SLC44A1: variants seen among roughly 807,000 people sequenced by gnomAD.
SLC44A1 encodes the protein solute carrier family 44 member 1.
A neutral mutation model predicts 79.3 loss-of-function variants in SLC44A1; 26 were observed. The observed-to-expected ratio is 0.33, with a 90% CI of 0.24 to 0.46. The LOEUF (loss-of-function observed/expected upper bound fraction) is 0.46, where lower values mean the gene tolerates loss of function less well. Among genes scored for constraint, SLC44A1 ranks in the 20% least tolerant of loss-of-function variants. The pLI is 1.00. For synonymous variants in SLC44A1, 263 were observed against 286.2 expected (o/e 0.92, Z 0.82); for missense variants, 688 against 798.1 (o/e 0.86, Z 1.66).
chr9:105,350,925 A>C (rs949559498), intron 5 of SLC44A1, among the ~76,000 whole-genome samples: 1 of 152,238 alleles, frequency 6.6e-6, no homozygotes, highest in African/African-American at 2.4e-5. Context: ...TTTTCAATGA[A>C]GCATTAGTGA....
rs200109845 is a variant in SLC44A1 at position 105,414,949 on chromosome 9, A to AT, written c.1951-23323dup. Among the ~76,000 whole-genome samples the AT allele has an allele frequency of 1.4e-3, 217 of 151,754 alleles. 1 individual carries two copies. The highest frequency in any genetic ancestry group is 4.3e-3 in the African/African-American group (177 of 41,320). ...TGAATGCTCTTGATGAGAAAAGGAG[A>AT]TTTTTTTTTCCTCTCAGAGTGGAAG... On this transcript the variant is annotated intron_variant, in intron 15 of 15. Coordinates refer to the SLC44A1 transcript ENST00000374724.
intron 3 of SLC44A1, among the ~76,000 whole-genome samples, chr9:105,315,441 CT>C (rs1228715628): frequency 6.6e-6 from 1 of 151,944 alleles, no homozygotes; most frequent in Admixed American, 6.6e-5. Context: ...CAGAATAGGA[CT>C]TTAGTGGCCA....
chr9:105,411,703 C>G (rs1320648329), intron 15 of SLC44A1, among the ~76,000 whole-genome samples: 1 of 152,094 alleles, frequency 6.6e-6, no homozygotes, highest in Non-Finnish European at 1.5e-5. Context: ...CATTTATTTT[C>G]TAGAATGACC....
Position 105,374,709 on chromosome 9 carries a change from G to A in SLC44A1, c.1606G>A (p.Gly536Arg). 1 of 1,612,928 alleles carries A rather than the reference G, an allele frequency of 6.2e-7. No homozygotes were observed. Among genetic ancestry groups the A allele is most frequent in the Non-Finnish European group, 8.5e-7 (1 of 1,179,318 alleles). ...ALRVATINTV[G>R]DFMLFLGKVL... ...GCGAGTGGCTACCATCAACACAGTA[G>A]GAGATTTTATGTTATTCCTTGGCAA... The change falls in exon 13 of 16, where the codon GGA becomes AGA. Residue 536 changes from glycine to arginine, a missense_variant. Gly to Arg is a moderately radical substitution (Grantham distance 125). Coordinates refer to ENST00000374720, the MANE Select transcript of SLC44A1 (RefSeq NM_080546.5).
chr9:105,256,811 G>A (rs1829719714), intron 1 of SLC44A1, among the ~76,000 whole-genome samples: 1 of 135,552 alleles, frequency 7.4e-6, no homozygotes, highest in African/African-American at 2.8e-5. Flanking sequence ...TTTTTGAGAT[G>A]GACTCTTGCT....
Position 105,309,751 on chromosome 9 carries a change from A to G in SLC44A1, c.154A>G (p.Thr52Ala). ...MGFICGFSIA[T>A]GAAARLVSGY... ...ATTTATTTGTGGCTTTTCAATAGCAACAGGTGCAGCAGCAAGACTAGTGTC... is the reference window on the plus strand; with the variant it reads ...ATTTATTTGTGGCTTTTCAATAGCAGCAGGTGCAGCAGCAAGACTAGTGTC... Residue 52 changes from threonine to alanine, a missense_variant, in exon 3 of 16, where the codon ACA becomes GCA. Coordinates refer to ENST00000374720, the MANE Select transcript of SLC44A1 (RefSeq NM_080546.5). The G allele has an allele frequency of 3.7e-6, 6 of 1,613,998 alleles. No individual in the cohort carries two copies. Among genetic ancestry groups the G allele is most frequent in the Non-Finnish European group, 5.1e-6 (6 of 1,179,868 alleles).
chr9:105,275,430 C>T (rs1275792511), intron 1 of SLC44A1, among the ~76,000 whole-genome samples: 1 of 152,170 alleles, frequency 6.6e-6, no homozygotes, highest in African/African-American at 2.4e-5. Flanking sequence ...TTGCTTTCAG[C>T]TCTTGAATTT....
At chr9:105,321,741 A>G (rs895605735) in intron 3 of SLC44A1, among the ~76,000 whole-genome samples, 1 of 152,046 alleles carries the variant, frequency 6.6e-6, no homozygotes, top group Non-Finnish European at 1.5e-5. Flanking sequence ...GAAAAATATA[A>G]TACTTGTTTT....
At chr9:105,420,888 AAG>A (rs1554691497) in intron 15 of SLC44A1, among the ~76,000 whole-genome samples, 24 of 140,878 alleles carry the variant, frequency 1.7e-4, no homozygotes, top group African/African-American at 7.6e-4. Context: ...AAAAAAAAAA[AAG>A]GATGGTCTAG....
chr9:105,324,061 G>C (rs1158235247), intron 3 of SLC44A1, among the ~76,000 whole-genome samples: 1 of 152,016 alleles, frequency 6.6e-6, no homozygotes, highest in Admixed American at 6.6e-5. Flanking sequence ...GAGTGCAGTG[G>C]TGCGATCTAG....
intron 3 of SLC44A1, among the ~76,000 whole-genome samples, chr9:105,334,894 A>G (rs771495964): frequency 7.9e-5 from 12 of 152,174 alleles, no homozygotes; most frequent in African/African-American, 1.7e-4. Context: ...TTAATAAACA[A>G]TATTTACTGC....
chr9:105,351,600 A>AGGG (rs1827429007), intron 5 of SLC44A1, among the ~76,000 whole-genome samples: 2 of 43,266 alleles, frequency 4.6e-5, no homozygotes, highest in Non-Finnish European at 1.1e-4. Context: ...GAGAAAGAGA[A>AGGG]AGAAAGAAAG....
chr9:105,364,515 C>A, intron 9 of SLC44A1, 40 bp from the exon 10 acceptor site: 4 of 1,573,414 alleles, frequency 2.5e-6, no homozygotes, highest in South Asian at 2.4e-5. Flanking sequence ...TGGATTTGTA[C>A]TTTATGTGCT....
chr9:105,275,397 A>G (rs1830175827), intron 1 of SLC44A1, among the ~76,000 whole-genome samples: 1 of 152,148 alleles, frequency 6.6e-6, no homozygotes, highest in Non-Finnish European at 1.5e-5. Flanking sequence ...TGTCATGAAT[A>G]TTGAGTTTTT....
chr9:105,434,344 A>G (rs1271816051), intron 15 of SLC44A1, among the ~76,000 whole-genome samples: 1 of 152,158 alleles, frequency 6.6e-6, no homozygotes, highest in Non-Finnish European at 1.5e-5. Flanking sequence ...CCATCTCAAA[A>G]AAAAAGGAAA....
intron 2 of SLC44A1, among the ~76,000 whole-genome samples, chr9:105,307,893 A>C (rs933289449): frequency 3.3e-5 from 5 of 152,058 alleles, no homozygotes; most frequent in African/African-American, 1.2e-4. Context: ...TCCTTGGAGG[A>C]GTCAGGAGAG....
intron 3 of SLC44A1, among the ~76,000 whole-genome samples, chr9:105,317,358 T>C (rs1831355587): frequency 6.6e-6 from 1 of 152,122 alleles, no homozygotes; most frequent in African/African-American, 2.4e-5. Context: ...CTCATTTAGG[T>C]ATAAAGATGC....
chr9:105,311,886 C>CT (rs1831190761), intron 3 of SLC44A1, among the ~76,000 whole-genome samples: 1 of 152,164 alleles, frequency 6.6e-6, no homozygotes, highest in Non-Finnish European at 1.5e-5. Context: ...AAGCAGCAGT[C>CT]TTTGTGTTTG....
At chr9:105,252,884 A>G (rs1829622152) in intron 1 of SLC44A1, among the ~76,000 whole-genome samples, 1 of 152,196 alleles carries the variant, frequency 6.6e-6, no homozygotes, top group African/African-American at 2.4e-5. Context: ...GAATTTATGC[A>G]TTGTGTAAAA....
Sources: allele counts gnomAD v4.1 joint callset (sites outside exome capture counted in the v4.1 genomes callset), GRCh38; gene constraint gnomAD v4.1.1; transcripts MANE v1.5; gene names NCBI Gene and HGNC (gene_info 2026-07-23, HGNC 2026-07-21).